The following LRRC4C variants were observed in gnomAD, a reference collection of about 807,000 sequenced individuals.
LRRC4C encodes the protein leucine rich repeat containing 4C.
Under a neutral mutation model 33.6 loss-of-function variants are expected in LRRC4C, and 5 were observed. The observed-to-expected ratio is 0.15, with a 90% confidence interval of 0.08 to 0.31. LRRC4C has a LOEUF of 0.31. Ranked by LOEUF, LRRC4C falls within the 10% of genes least tolerant of loss-of-function variation. The pLI is 1.00. For synonymous variants in LRRC4C, 329 were observed against 302.0 expected, an observed-to-expected ratio of 1.09 and a Z score of -0.93; for missense variants, 560 against 796.7, an observed-to-expected ratio of 0.70 and a Z score of 3.58.
chr11:41,143,826 G>A (rs1337255423), intron 1 of LRRC4C, among the ~76,000 whole-genome samples: 3 of 152,104 alleles, frequency 2.0e-5, no homozygotes, highest in Admixed American at 1.3e-4. Flanking sequence ...TAATTGAGAG[G>A]CAAGACTGCT....
chr11:41,370,005 A>AT (rs948086744), intron 1 of LRRC4C, among the ~76,000 whole-genome samples: 3 of 152,272 alleles, frequency 2.0e-5, no homozygotes, highest in Admixed American at 1.3e-4. Flanking sequence ...AATATTTTAC[A>AT]TTTTTTTCAA....
chr11:40,974,224 G>A (rs1246159059), intron 1 of LRRC4C, among the ~76,000 whole-genome samples: 2 of 152,082 alleles, frequency 1.3e-5, no homozygotes, highest in Non-Finnish European at 2.9e-5. Flanking sequence ...TTTGACGTGA[G>A]TTCTACTCTT....
rs1346524621 is a variant in LRRC4C at position 40,862,217 on chromosome 11, G to A, written c.-407+71418C>T. Among the ~76,000 whole-genome samples, 5 of 152,276 alleles carry A rather than the reference G, an allele frequency of 3.3e-5. No individual in the cohort carries two copies. The East Asian group carries it at 9.6e-4, about 29-fold the overall frequency. On this transcript the variant is annotated intron_variant, in intron 2 of 6. Coordinates refer to ENST00000528697, the MANE Select transcript of LRRC4C (RefSeq NM_001258419.2). ...ACACTATTCTATAGTATATTACTAA[G>A]TTAGCCTTAGTATAAGAAAAATAGA... is the stretch of plus-strand genomic sequence containing the variant.
At chr11:40,917,382 G>A (rs1435248257) in intron 2 of LRRC4C, among the ~76,000 whole-genome samples, 1 of 152,056 alleles carries the variant, frequency 6.6e-6, no homozygotes, top group South Asian at 2.1e-4. Context: ...AAAGGGGCAG[G>A]ACCTTCAGCT....
At chr11:40,984,360 GAAAAAAGAAAGA>G (rs1852785774) in intron 1 of LRRC4C, among the ~76,000 whole-genome samples, 2 of 61,956 alleles carry the variant, frequency 3.2e-5, no homozygotes, top group African/African-American at 6.0e-5. Flanking sequence ...GAGAAAGAAA[GAAAAAAGAAAGA>G]AAGAAAGAAA....
intron 5 of LRRC4C, among the ~76,000 whole-genome samples, chr11:40,150,130 C>T (rs1415735493): frequency 6.6e-6 from 1 of 152,144 alleles, no homozygotes; most frequent in Non-Finnish European, 1.5e-5. Context: ...TCTTTACCCC[C>T]ATATGGCCCT....
At chr11:40,737,170 C>T (rs963613685) in intron 2 of LRRC4C, among the ~76,000 whole-genome samples, 1 of 152,006 alleles carries the variant, frequency 6.6e-6, no homozygotes, top group African/African-American at 2.4e-5. Context: ...AATTCAGCAC[C>T]ACTTTATGCT....
chr11:41,311,880 CA>C (rs2137186839), intron 1 of LRRC4C, among the ~76,000 whole-genome samples: 1 of 152,236 alleles, frequency 6.6e-6, no homozygotes, highest in South Asian at 2.1e-4. Context: ...TTGTGACAAT[CA>C]GTGGAAGTAG....
At chr11:40,503,636 A>G (rs1954889110) in intron 3 of LRRC4C, among the ~76,000 whole-genome samples, 1 of 152,212 alleles carries the variant, frequency 6.6e-6, no homozygotes, top group South Asian at 2.1e-4. Flanking sequence ...GGACTCAAAG[A>G]TTGACAGGAA....
chr11:41,235,829 A>C (rs1259060553), intron 1 of LRRC4C, among the ~76,000 whole-genome samples: 1 of 152,136 alleles, frequency 6.6e-6, no homozygotes, highest in African/African-American at 2.4e-5. Flanking sequence ...TTACATATTC[A>C]AGTGGCATCT....
chr11:41,155,443 TGAA>T (rs1460859912), intron 1 of LRRC4C, among the ~76,000 whole-genome samples: 2 of 152,162 alleles, frequency 1.3e-5, no homozygotes, highest in African/African-American at 2.4e-5. Flanking sequence ...AAGTGGCTGT[TGAA>T]GGAGGCTGAT....
At chr11:40,332,847 A>G (rs148975706) in intron 3 of LRRC4C, among the ~76,000 whole-genome samples, 748 of 152,236 alleles carry the variant, frequency 4.9e-3, no homozygotes, top group Middle Eastern at 0.014. Context: ...AGTTTCCTTC[A>G]TCTTCTGTTC....
intron 5 of LRRC4C, among the ~76,000 whole-genome samples, chr11:40,144,799 G>A (rs752238727): frequency 3.3e-5 from 5 of 152,206 alleles, no homozygotes; most frequent in South Asian, 2.1e-4. Flanking sequence ...ATTTGAAGCC[G>A]TAGGCTAGTG....
At chr11:40,460,273 C>A (rs1022390179) in intron 3 of LRRC4C, among the ~76,000 whole-genome samples, 3 of 151,866 alleles carry the variant, frequency 2.0e-5, no homozygotes, top group African/African-American at 4.8e-5. Flanking sequence ...ACTACAGAAC[C>A]TAACATTTGA....
intron 1 of LRRC4C, among the ~76,000 whole-genome samples, chr11:41,053,169 AG>A (rs967062952): frequency 1.3e-5 from 2 of 152,176 alleles, no homozygotes; most frequent in African/African-American, 4.8e-5. Context: ...TCCCTTTGGC[AG>A]GGCACAGGAT....
intron 2 of LRRC4C, among the ~76,000 whole-genome samples, chr11:40,804,160 C>T (rs1951154476): frequency 2.0e-5 from 3 of 152,006 alleles, no homozygotes; most frequent in Admixed American, 6.6e-5. Context: ...ACTAAAAATA[C>T]CAATCTTCTC....
intron 2 of LRRC4C, among the ~76,000 whole-genome samples, chr11:40,901,678 G>T (rs1276077942): frequency 6.6e-6 from 1 of 151,926 alleles, no homozygotes; most frequent in Non-Finnish European, 1.5e-5. Context: ...AAAATGTGAA[G>T]AGAAAAGAAT....
At chr11:40,187,305 C>A (rs972914381) in intron 5 of LRRC4C, among the ~76,000 whole-genome samples, 8 of 151,476 alleles carry the variant, frequency 5.3e-5, no homozygotes, top group African/African-American at 1.9e-4. Flanking sequence ...GGTGAAATGC[C>A]TTTCGGGAGA....
intron 1 of LRRC4C, among the ~76,000 whole-genome samples, chr11:41,404,499 T>A (rs1406079158): frequency 7.3e-6 from 1 of 137,868 alleles, no homozygotes; most frequent in East Asian, 2.2e-4. Context: ...TGTGTGTGTA[T>A]ACACACAGAC....
Sources: allele counts gnomAD v4.1 joint callset (sites outside exome capture counted in the v4.1 genomes callset), GRCh38; gene constraint gnomAD v4.1.1; transcripts MANE v1.5; gene names NCBI Gene and HGNC (gene_info 2026-07-23, HGNC 2026-07-21).